The following AFAP1 variants were observed in gnomAD, a reference collection of about 807,000 sequenced individuals.
AFAP1 encodes the protein actin filament associated protein 1, also known as actin filament-associated protein 1.
Under a neutral mutation model 93.9 loss-of-function variants are expected in AFAP1, and 75 were observed. The ratio of observed to expected loss-of-function variants is 0.80; its 90% CI spans 0.66 to 0.97. AFAP1 has a LOEUF of 0.97. Among genes scored for constraint, AFAP1 ranks in the 50% least tolerant of loss-of-function variants. AFAP1 has a pLI of 0.00. For synonymous variants in AFAP1, 517 were observed against 430.7 expected, an observed-to-expected ratio of 1.20 and a Z score of -2.48; for missense variants, 1,201 against 1,050.8, an observed-to-expected ratio of 1.14 and a Z score of -1.98.
chr4:7,768,884 C>T lies in AFAP1; in HGVS notation c.2378G>A (p.Gly793Asp), dbSNP rs1714997674. The change falls in exon 17 of 18, where the codon GGC becomes GAC. Residue 793 changes from glycine (G) to aspartate (D), a missense_variant. Transcript: ENST00000420658. ...AVLKKSQAAP[G>D]SSPCRGHVLR... is the part of the protein sequence containing the mutation. ...CACATGCCCTCGGCAGGGGGAGCTG[C>T]CCGGGGCAGCCTGGCTCTTCTTCAA... 6.2e-7 allele frequency: 1 copy of T among 1,610,294 alleles called. No homozygotes were observed. The highest frequency in any genetic ancestry group is 8.5e-7 in the Non-Finnish European group (1 of 1,177,340).
rs891450920 is a variant in AFAP1 at position 7,760,203 on chromosome 4, C to G, written c.*3562G>C. The G allele has an allele frequency of 6.6e-6, 1 of 152,210 alleles. No individual in the cohort carries two copies. Among genetic ancestry groups the G allele is most frequent in the Admixed American group, 6.5e-5 (1 of 15,284 alleles). 9.4% of individuals were successfully genotyped at this position (152,210 alleles called of 1,614,324 possible). A position where few individuals can be genotyped will look rare whatever the true frequency, so the allele number is the denominator to read the frequency against. On this transcript the variant is annotated 3_prime_UTR_variant, in exon 18 of 18. Coordinates refer to ENST00000420658, the MANE Select transcript of AFAP1 (RefSeq NM_001134647.2). ...AGAGCTGAGGCCACACTTTTTGAAA[C>G]AGACTTTTCAAAAGGAGTAAATCTC...
Position 7,872,365 on chromosome 4 carries a change from C to T in AFAP1, c.-2-285G>A, listed in dbSNP as rs753041312. Reference sequence around the variant, plus strand: ...ATGGTGTGACAACCCAAAGGCCTGACGTCATCATTTGGTGTCAATTCCACG... The same window carrying T: ...ATGGTGTGACAACCCAAAGGCCTGATGTCATCATTTGGTGTCAATTCCACG... On this transcript the variant is annotated intron_variant, in intron 1 of 17. Coordinates refer to ENST00000420658, the MANE Select transcript of AFAP1 (RefSeq NM_001134647.2). The T allele has an allele frequency of 8.1e-5, 24 of 297,926 alleles. No individual in the cohort carries two copies. In the South Asian group the frequency reaches 9.3e-4, roughly 12 times the overall value. 18.5% of individuals were successfully genotyped at this position (297,926 alleles called of 1,614,324 possible). A position where few individuals can be genotyped will look rare whatever the true frequency, so the allele number is the denominator to read the frequency against.
chr4:7,788,672 T>C (rs1297220810), intron 11 of AFAP1: 1 of 152,166 alleles, frequency 6.6e-6, no homozygotes, highest in East Asian at 1.9e-4. Context: ...AAAATACATA[T>C]TTAAGGTTTT....
intron 4 of AFAP1, among the ~76,000 whole-genome samples, chr4:7,851,111 G>C (rs1002206405): frequency 3.3e-5 from 5 of 152,162 alleles, no homozygotes; most frequent in African/African-American, 7.2e-5. Flanking sequence ...TGGACCTCTG[G>C]GAGTTTGGAG....
intron 1 of AFAP1, among the ~76,000 whole-genome samples, chr4:7,887,381 T>C (rs4696771): frequency 0.15 from 22,289 of 152,154 alleles, 2,497 homozygotes; most frequent in East Asian, 0.52. Context: ...CAAATAAATA[T>C]AAACACACAG....
chr4:7,865,259 T>C (rs534447396), intron 3 of AFAP1, among the ~76,000 whole-genome samples: 2 of 152,208 alleles, frequency 1.3e-5, no homozygotes, highest in East Asian at 3.9e-4. Context: ...CAGGGAAAAA[T>C]TACCTTGATA....
intron 11 of AFAP1, among the ~76,000 whole-genome samples, chr4:7,787,908 C>T (rs879714794): frequency 3.9e-5 from 6 of 152,198 alleles, no homozygotes; most frequent in Non-Finnish European, 4.4e-5. Context: ...CTCTGCCTGC[C>T]GAACTCCTCT....
intron 10 of AFAP1, among the ~76,000 whole-genome samples, chr4:7,799,647 G>C (rs981565480): frequency 1.3e-5 from 2 of 152,120 alleles, no homozygotes; most frequent in Admixed American, 1.3e-4. Flanking sequence ...GTGTATGTTT[G>C]CATCTTGGTC....
intron 1 of AFAP1, among the ~76,000 whole-genome samples, chr4:7,885,283 C>A (rs997297558): frequency 4.6e-5 from 7 of 152,212 alleles, no homozygotes; most frequent in Non-Finnish European, 1.0e-4. Context: ...CAGTTTCCCA[C>A]AAATATCACG....
chr4:7,894,458 C>T (rs770963503), intron 1 of AFAP1, among the ~76,000 whole-genome samples: 1 of 152,152 alleles, frequency 6.6e-6, no homozygotes, highest in Non-Finnish European at 1.5e-5. Flanking sequence ...CACAGAGGAG[C>T]GTGAATTCTG....
intron 6 of AFAP1, among the ~76,000 whole-genome samples, chr4:7,822,885 G>A (rs867829632): frequency 2.7e-5 from 4 of 149,634 alleles, no homozygotes; most frequent in Admixed American, 6.7e-5. Context: ...GAGCCACTGC[G>A]CCCGGCCCCT....
chr4:7,807,422 T>A (rs553482402), intron 9 of AFAP1, among the ~76,000 whole-genome samples: 4 of 152,174 alleles, frequency 2.6e-5, no homozygotes, highest in African/African-American at 9.6e-5. Flanking sequence ...CCCTCCCCAT[T>A]CCGTGCTACA....
At chr4:7,908,419 C>G (rs919315127) in intron 1 of AFAP1, among the ~76,000 whole-genome samples, 6 of 152,132 alleles carry the variant, frequency 3.9e-5, no homozygotes, top group Non-Finnish European at 7.4e-5. Flanking sequence ...AATGTCTAGC[C>G]TAGAAGACAC....
Position 7,871,978 on chromosome 4 carries a change from A to G in AFAP1, c.101T>C (p.Ile34Thr), listed in dbSNP as rs769161577. 6.2e-7 allele frequency: 1 copy of G among 1,614,224 alleles called. No individual in the cohort carries two copies. ...VREKKAVITN[I>T]LLRIQSSKGF... is the part of the protein sequence containing the mutation. ...TTTGGATGACTGTATTCTTAGCAGA[A>G]TGTTGGTTATCACTGCCTTTTTCTC... is the stretch of plus-strand genomic sequence containing the variant. Residue 34 changes from isoleucine to threonine, a missense_variant, in exon 2 of 18, where the codon ATT (isoleucine) becomes ACT (threonine). Transcript: ENST00000420658.
intron 17 of AFAP1, among the ~76,000 whole-genome samples, chr4:7,768,598 T>C (rs1010673955): frequency 2.0e-5 from 3 of 152,078 alleles, no homozygotes; most frequent in African/African-American, 7.2e-5. Flanking sequence ...CTGGAGCCAA[T>C]TGTTGGCACT....
At chr4:7,908,796 C>A (rs191139218) in intron 1 of AFAP1, among the ~76,000 whole-genome samples, 1 of 152,318 alleles carries the variant, frequency 6.6e-6, no homozygotes, top group East Asian at 1.9e-4. Context: ...GCATAGTTAA[C>A]GAAGTCTGAG....
At chr4:7,929,807 G>A (rs889413907) in intron 1 of AFAP1, among the ~76,000 whole-genome samples, 4 of 152,154 alleles carry the variant, frequency 2.6e-5, no homozygotes, top group African/African-American at 9.7e-5. Flanking sequence ...GGGCTACAGG[G>A]AGTGGCCTGC....
At chr4:7,852,579 G>C (rs996687127) in intron 4 of AFAP1, among the ~76,000 whole-genome samples, 7 of 152,068 alleles carry the variant, frequency 4.6e-5, no homozygotes, top group African/African-American at 1.7e-4. Context: ...CAATACAGAA[G>C]TGCTACTGAA....
intron 1 of AFAP1, among the ~76,000 whole-genome samples, chr4:7,937,848 A>G (rs958527778): frequency 6.6e-6 from 1 of 152,228 alleles, no homozygotes; most frequent in Non-Finnish European, 1.5e-5. Context: ...AGTAATAGAA[A>G]AAGATTAATC....
Sources: gnomAD v4.1 joint callset for allele counts (sites outside exome capture counted in the v4.1 genomes callset) on GRCh38, gnomAD v4.1.1 for gene constraint, MANE v1.5 for transcripts, NCBI Gene and HGNC (gene_info 2026-07-23, HGNC 2026-07-21) for gene names.